The following ASB4 variants were observed in gnomAD, a reference collection of about 807,000 sequenced individuals.
The protein encoded by ASB4 is ankyrin repeat and SOCS box containing 4.
A neutral mutation model predicts 38.6 loss-of-function variants in ASB4; 35 were observed. That is an observed-to-expected ratio of 0.91 (90% CI 0.69 to 1.20). ASB4 has a LOEUF of 1.20. Ranked by LOEUF, ASB4 falls within the 50% of genes most tolerant of loss-of-function variation. ASB4 has a pLI of 0.00. For synonymous variants in ASB4, 195 were observed against 201.3 expected, an observed-to-expected ratio of 0.97 and a Z score of 0.26; for missense variants, 557 against 527.2, an observed-to-expected ratio of 1.06 and a Z score of -0.55.
At chr7:95,526,784 C>T (rs1790742867) in intron 2 of ASB4, among the ~76,000 whole-genome samples, 1 of 152,128 alleles carries the variant, frequency 6.6e-6, no homozygotes, top group Non-Finnish European at 1.5e-5. Flanking sequence ...TCTGTACAGA[C>T]TAATACTTGA....
At chr7:95,490,279 C>T (rs1042668853) in intron 1 of ASB4, among the ~76,000 whole-genome samples, 6 of 152,196 alleles carry the variant, frequency 3.9e-5, no homozygotes, top group African/African-American at 1.4e-4. Flanking sequence ...ACCTAATTTT[C>T]CTCTTTGCCA....
chr7:95,537,661 A>G lies in ASB4; in HGVS notation c.1183A>G (p.Thr395Ala), dbSNP rs1190662408. 16 of 1,613,838 alleles carry G rather than the reference A, an allele frequency of 9.9e-6. No individual in the cohort carries two copies. The highest frequency in any genetic ancestry group is 1.4e-5 in the Non-Finnish European group (16 of 1,179,740). Residue 395 changes from threonine to alanine, a missense_variant, in exon 5 of 5, where the codon ACA becomes GCA. Coordinates refer to ENST00000325885, the MANE Select transcript of ASB4 (RefSeq NM_016116.3). ...MHLSRCAIRR[T>A]LHNRCHRAIP... ...CTTATCGAGATGTGCCATTAGAAGA[A>G]CATTACACAACAGATGCCATAGAGC...
At chr7:95,496,286 T>C (rs1021588224) in intron 2 of ASB4, 26 of 448,992 alleles carry the variant, frequency 5.8e-5, no homozygotes, top group Middle Eastern at 1.1e-3. Flanking sequence ...CTCATTTACT[T>C]AACAAATATT....
At chr7:95,509,865 A>G (rs1790456891) in intron 2 of ASB4, among the ~76,000 whole-genome samples, 1 of 152,198 alleles carries the variant, frequency 6.6e-6, no homozygotes, top group Non-Finnish European at 1.5e-5. Context: ...AGACTCAGAT[A>G]AGTTGAATCA....
chr7:95,532,275 T>C (rs566521485), intron 3 of ASB4, among the ~76,000 whole-genome samples: 1 of 152,352 alleles, frequency 6.6e-6, no homozygotes, highest in South Asian at 2.1e-4. Context: ...AGATGTTTTC[T>C]TCCAAATACA....
intron 2 of ASB4, among the ~76,000 whole-genome samples, chr7:95,511,540 T>A (rs1045599031): frequency 6.6e-6 from 1 of 151,844 alleles, no homozygotes; most frequent in Admixed American, 6.6e-5. Flanking sequence ...AATAACCCTG[T>A]AATCACAGCT....
rs193186184 is a variant in ASB4, at chr7:95,528,740, C to T, written c.978+437C>T. The T allele has an allele frequency of 1.7e-4, 177 of 1,012,382 alleles. No homozygotes were observed. In the Middle Eastern group the frequency reaches 5.4e-3, roughly 31 times the overall value. 62.7% of individuals were successfully genotyped at this position (1,012,382 alleles called of 1,614,324 possible). A position where few individuals can be genotyped will look rare whatever the true frequency, so the allele number is the denominator to read the frequency against. On this transcript the variant is annotated intron_variant, in intron 3 of 4. Coordinates refer to ENST00000325885, the MANE Select transcript of ASB4 (RefSeq NM_016116.3). ...GATTTTCCAGTTTAATGAAAGCTAA[C>T]GTTTATTAAGTACTAAAATTATATT...
chr7:95,524,648 A>T (rs751861926), intron 2 of ASB4, among the ~76,000 whole-genome samples: 9 of 152,222 alleles, frequency 5.9e-5, no homozygotes, highest in African/African-American at 9.6e-5. Context: ...TTATTTGGAA[A>T]TAAGGTTGCT....
chr7:95,537,141 C>A (rs1424552849), intron 4 of ASB4, among the ~76,000 whole-genome samples: 1 of 152,170 alleles, frequency 6.6e-6, no homozygotes, highest in Middle Eastern at 3.2e-3. Context: ...GTTCACTGGG[C>A]TTGGAGGTCT....
chr7:95,550,202 T>G, the ASB4 span, among the ~76,000 whole-genome samples: 44 of 152,140 alleles, frequency 2.9e-4, no homozygotes, highest in Non-Finnish European at 5.3e-4. Context: ...CTATCTTAGC[T>G]TCTGAAGACT....
intron 2 of ASB4, among the ~76,000 whole-genome samples, chr7:95,510,643 ACTG>A (rs1562815552): frequency 6.6e-6 from 1 of 152,198 alleles, no homozygotes; most frequent in African/African-American, 2.4e-5. Flanking sequence ...TGGGTTGCTT[ACTG>A]CAGCCAGGTG....
At chr7:95,473,328 G>T in the ASB4 span, among the ~76,000 whole-genome samples, 3 of 152,154 alleles carry the variant, frequency 2.0e-5, no homozygotes, top group Non-Finnish European at 4.4e-5. Flanking sequence ...ATCCTCACAA[G>T]AACCCAATGA....
At chr7:95,493,390 GTA>G (rs1554346929) in intron 1 of ASB4, among the ~76,000 whole-genome samples, 3,529 of 48,156 alleles carry the variant, frequency 0.073, 129 homozygotes, top group African/African-American at 0.18. Context: ...GTGTGTGTGT[GTA>G]TGTGTGTGTG....
chr7:95,507,407 G>C (rs535915031), intron 2 of ASB4, among the ~76,000 whole-genome samples: 20 of 152,052 alleles, frequency 1.3e-4, no homozygotes, highest in Admixed American at 3.9e-4. Flanking sequence ...TTCTACTCCT[G>C]TGCGAAGTCT....
intron 2 of ASB4, among the ~76,000 whole-genome samples, chr7:95,498,524 C>T (rs951970990): frequency 6.6e-6 from 1 of 152,070 alleles, no homozygotes; most frequent in Non-Finnish European, 1.5e-5. Context: ...AACTTTTACT[C>T]CTTTAAAGAA....
chr7:95,487,786 C>G (rs1790113769), intron 1 of ASB4, among the ~76,000 whole-genome samples: 1 of 152,082 alleles, frequency 6.6e-6, no homozygotes, highest in Admixed American at 6.5e-5. Flanking sequence ...ATGTGGCTTT[C>G]AATTAGGGAG....
At chr7:95,503,645 A>G (rs1006528497) in intron 2 of ASB4, among the ~76,000 whole-genome samples, 1 of 152,222 alleles carries the variant, frequency 6.6e-6, no homozygotes, top group Non-Finnish European at 1.5e-5. Context: ...GGGAGAACTC[A>G]AATACATCAC....
intron 2 of ASB4, among the ~76,000 whole-genome samples, chr7:95,515,141 T>C (rs1304027147): frequency 6.9e-6 from 1 of 145,542 alleles, no homozygotes; most frequent in Non-Finnish European, 1.5e-5. Context: ...GTCCAAGCAA[T>C]TGTTTTTCTT....
At chr7:95,522,005 G>T (rs1351315814) in intron 2 of ASB4, among the ~76,000 whole-genome samples, 1 of 151,990 alleles carries the variant, frequency 6.6e-6, no homozygotes, top group Non-Finnish European at 1.5e-5. Context: ...TCAAATATGG[G>T]TATGGTGTAC....
Sources: allele counts gnomAD v4.1 joint callset (sites outside exome capture counted in the v4.1 genomes callset), GRCh38; gene constraint gnomAD v4.1.1; transcripts MANE v1.5; gene names NCBI Gene and HGNC (gene_info 2026-07-23, HGNC 2026-07-21).